The following FRMD4A variants were observed in gnomAD, a reference collection of about 807,000 sequenced individuals.
FRMD4A encodes FERM domain-containing protein 4A.
FRMD4A carries 29 observed loss-of-function variants against 129.1 expected under a neutral mutation model. That is an observed-to-expected ratio of 0.22 (90% CI 0.17 to 0.31). FRMD4A has a LOEUF of 0.31. Ranked by LOEUF, FRMD4A falls within the 10% of genes least tolerant of loss-of-function variation. The pLI is 1.00. For missense variants in FRMD4A, 1,272 were observed against 1,375.8 expected (o/e 0.92, Z 1.19); for synonymous variants, 634 against 571.6 (o/e 1.11, Z -1.56).
chr10:13,663,239 A>T (rs2082772300), intron 19 of FRMD4A, among the ~76,000 whole-genome samples: 1 of 151,954 alleles, frequency 6.6e-6, no homozygotes, highest in African/African-American at 2.4e-5. Context: ...AGCACCACTC[A>T]CTGATGAAAA....
chr10:13,684,458 G>C lies in FRMD4A; in HGVS notation c.1118-9414C>G, dbSNP rs1387524686. 4.1e-6 allele frequency: 4 copies of C among 985,374 alleles called. No individual in the cohort carries two copies. The East Asian group carries it at 4.5e-4, about 112-fold the overall frequency. The allele number at this position is 985,374 out of a possible 1,614,324, so 61.0% of individuals were successfully genotyped here. ...CCCAGCTTCCAGCCGGGGAACTCCA[G>C]ACTCCAGCCGGGGACAGCTGGGTGT... On this transcript the variant is annotated intron_variant, in intron 15 of 24. Coordinates refer to ENST00000357447, the MANE Select transcript of FRMD4A (RefSeq NM_018027.5).
chr10:13,841,981 C>T (rs755639472), intron 3 of FRMD4A, among the ~76,000 whole-genome samples: 9 of 152,128 alleles, frequency 5.9e-5, no homozygotes, highest in Non-Finnish European at 1.0e-4. Context: ...GCCAGAATTG[C>T]ACCGCGATAT....
intron 3 of FRMD4A, among the ~76,000 whole-genome samples, chr10:13,828,867 C>A (rs2093745857): frequency 6.6e-6 from 1 of 152,174 alleles, no homozygotes; most frequent in South Asian, 2.1e-4. Context: ...CATTGATGGA[C>A]ACTTAAGTGG....
intron 2 of FRMD4A, among the ~76,000 whole-genome samples, chr10:13,896,785 T>C (rs1489367245): frequency 6.6e-6 from 1 of 152,178 alleles, no homozygotes; most frequent in Admixed American, 6.5e-5. Flanking sequence ...AGAAATAGAT[T>C]TCCTGTTTCA....
intron 2 of FRMD4A, chr10:14,326,918 T>A (rs1589318491): frequency 2.5e-6 from 1 of 398,714 alleles, no homozygotes; most frequent in East Asian, 3.6e-5. Flanking sequence ...TAAAAGGCCA[T>A]CTCCACCACC....
intron 2 of FRMD4A, among the ~76,000 whole-genome samples, chr10:14,099,925 T>G (rs996151794): frequency 2.6e-5 from 4 of 152,188 alleles, no homozygotes; most frequent in Non-Finnish European, 5.9e-5. Context: ...GCAACCTGGC[T>G]TTAGGGCCTG....
chr10:13,701,488 C>A lies in FRMD4A; in HGVS notation c.837-10G>T. 6.2e-7 allele frequency: 1 copy of A among 1,610,568 alleles called. No homozygotes were observed. On this transcript the variant is annotated splice_polypyrimidine_tract_variant and intron_variant, in intron 13 of 24. Transcript: ENST00000357447. ...CCTTGTCACTGAAGCCCTGGGGAAGCAAGAATCACAAGGTTCAATCCCATT... is the reference window on the plus strand; with the variant it reads ...CCTTGTCACTGAAGCCCTGGGGAAGAAAGAATCACAAGGTTCAATCCCATT...
intron 2 of FRMD4A, among the ~76,000 whole-genome samples, chr10:13,943,847 C>G (rs568679374): frequency 6.6e-6 from 1 of 151,640 alleles, no homozygotes; most frequent in Non-Finnish European, 1.5e-5. Flanking sequence ...TGGTGTGGAT[C>G]GGATAAATTG....
chr10:14,255,501 T>C (rs1844577691), intron 2 of FRMD4A, among the ~76,000 whole-genome samples: 1 of 152,202 alleles, frequency 6.6e-6, no homozygotes, highest in Non-Finnish European at 1.5e-5. Flanking sequence ...GAATTGTACA[T>C]TTTAATGCAC....
chr10:14,015,414 C>A (rs1288962832), intron 2 of FRMD4A, among the ~76,000 whole-genome samples: 4 of 150,944 alleles, frequency 2.6e-5, no homozygotes, highest in Non-Finnish European at 5.9e-5. Context: ...CCTCCTTCCC[C>A]TTCCCTTCCT....
At chr10:13,803,792 C>T (rs1306689810) in intron 4 of FRMD4A, among the ~76,000 whole-genome samples, 2 of 152,206 alleles carry the variant, frequency 1.3e-5, no homozygotes, top group Admixed American at 1.3e-4. Context: ...AGAATGAATA[C>T]AGCAGCTTCA....
intron 2 of FRMD4A, among the ~76,000 whole-genome samples, chr10:14,258,816 C>T (rs928110522): frequency 2.0e-5 from 3 of 152,150 alleles, no homozygotes; most frequent in Non-Finnish European, 4.4e-5. Context: ...CAAGGAAATA[C>T]TACTTAGCCA....
chr10:13,836,480 G>A (rs563016476), intron 3 of FRMD4A, among the ~76,000 whole-genome samples: 167 of 152,240 alleles, frequency 1.1e-3, no homozygotes, highest in African/African-American at 3.9e-3. Context: ...TTTGGGGGGC[G>A]CGGGGAGGAA....
At chr10:14,091,211 C>T (rs76902493) in intron 2 of FRMD4A, among the ~76,000 whole-genome samples, 1 of 151,934 alleles carries the variant, frequency 6.6e-6, no homozygotes, top group South Asian at 2.1e-4. Context: ...CTTTTAAAAG[C>T]ACAATAAAAA....
chr10:13,956,153 T>C (rs548831396), intron 2 of FRMD4A, among the ~76,000 whole-genome samples: 6 of 152,312 alleles, frequency 3.9e-5, no homozygotes, highest in Admixed American at 1.3e-4. Context: ...TTTTTTTTCT[T>C]TTTTTCTTTT....
intron 13 of FRMD4A, among the ~76,000 whole-genome samples, chr10:13,701,787 C>A (rs2086856669): frequency 6.6e-6 from 1 of 152,210 alleles, no homozygotes; most frequent in African/African-American, 2.4e-5. Flanking sequence ...CGATCCTGGA[C>A]TTGGCACTGG....
chr10:14,099,747 G>C (rs552509024), intron 2 of FRMD4A, among the ~76,000 whole-genome samples: 2 of 152,276 alleles, frequency 1.3e-5, no homozygotes, highest in Non-Finnish European at 2.9e-5. Flanking sequence ...CTACTACTTA[G>C]AGAGATTAAA....
chr10:13,714,242 T>C (rs1380480295), intron 12 of FRMD4A, among the ~76,000 whole-genome samples: 2 of 150,298 alleles, frequency 1.3e-5, no homozygotes, highest in Non-Finnish European at 3.0e-5. Context: ...TTTGTATTTT[T>C]AGTAGAGACG....
At chr10:13,739,919 G>A (rs2090886409) in intron 11 of FRMD4A, among the ~76,000 whole-genome samples, 1 of 152,214 alleles carries the variant, frequency 6.6e-6, no homozygotes, top group Non-Finnish European at 1.5e-5. Context: ...GGCCAACATG[G>A]CAAAACCTCG....
Sources: allele counts gnomAD v4.1 joint callset (sites outside exome capture counted in the v4.1 genomes callset), GRCh38; gene constraint gnomAD v4.1.1; transcripts MANE v1.5; gene names NCBI Gene and HGNC (gene_info 2026-07-23, HGNC 2026-07-21).